The following NEB variants were observed in gnomAD, a reference collection of about 807,000 sequenced individuals.
The protein encoded by NEB is nemaline myopathy type 2.
In NEB, 512 loss-of-function variants were observed where a neutral mutation model predicts 952.2. The observed-to-expected ratio is 0.54, with a 90% CI of 0.50 to 0.58. The LOEUF (loss-of-function observed/expected upper bound fraction) is 0.58. Among genes scored for constraint, NEB ranks in the 20% least tolerant of loss-of-function variants. NEB has a pLI of 0.00. For missense variants in NEB, 8,428 were observed against 9,231.1 expected (o/e 0.91, Z 3.56); for synonymous variants, 2,900 against 3,149.8 (o/e 0.92, Z 2.66).
At chr2:151,631,744 G>C (rs2098671755) in intron 65 of NEB, among the ~76,000 whole-genome samples, 1 of 152,138 alleles carries the variant, frequency 6.6e-6, no homozygotes, top group South Asian at 2.1e-4. Context: ...GCCATTAAAA[G>C]CTTCACTGTT....
chr2:151,659,228 A>G (rs1008262359), intron 46 of NEB, 59 bp from the exon 47 acceptor site: 1 of 1,002,936 alleles, frequency 1.0e-6, no homozygotes, highest in African/African-American at 1.6e-5. Context: ...CACTTAGTAC[A>G]TACATATCAT....
intron 10 of NEB, chr2:151,716,172 C>T: frequency 2.3e-6 from 1 of 426,562 alleles, no homozygotes; most frequent in South Asian, 1.7e-5. Flanking sequence ...CAGTTTCACA[C>T]TTGTTGCCCA....
intron 9 of NEB, among the ~76,000 whole-genome samples, chr2:151,717,939 C>T (rs377146103): frequency 2.0e-5 from 3 of 150,768 alleles, no homozygotes; most frequent in South Asian, 2.1e-4. Flanking sequence ...CTGCAAGCTC[C>T]GCCTCCTGGG....
intron 9 of NEB, among the ~76,000 whole-genome samples, chr2:151,722,513 T>G (rs923706591): frequency 3.3e-5 from 5 of 152,172 alleles, no homozygotes; most frequent in African/African-American, 9.7e-5. Context: ...AATGTGTTTT[T>G]GGTTTGTTTA....
At chr2:151,540,662 T>A (rs1289174337) in intron 137 of NEB, 35 bp downstream of exon 137, 1 of 1,569,110 alleles carries the variant, frequency 6.4e-7, no homozygotes, top group Non-Finnish European at 8.8e-7. Flanking sequence ...ATTTTTCTTT[T>A]TACCCAGTGC....
intron 81 of NEB, among the ~76,000 whole-genome samples, chr2:151,609,151 AG>A (rs2097827493): frequency 2.0e-5 from 3 of 149,850 alleles, no homozygotes; most frequent in South Asian, 2.1e-4. Flanking sequence ...GTGCAATTGG[AG>A]ATTGCACTCC....
intron 41 of NEB, 39 bp downstream of exon 41, chr2:151,666,042 TCCTCCCACC>T: frequency 6.5e-7 from 1 of 1,544,760 alleles, no homozygotes; most frequent in Non-Finnish European, 8.8e-7. Context: ...TCCTGTTTTT[TCCTCCCACC>T]CATTAGAAAT....
At chr2:151,629,711 G>A (rs900258358) in intron 67 of NEB, 65 bp from the exon 68 acceptor site, 4 of 1,356,966 alleles carry the variant, frequency 2.9e-6, no homozygotes, top group Non-Finnish European at 3.2e-6. Context: ...AGATTATTAA[G>A]TGACTTATAT....
intron 134 of NEB, 125 bp from the exon 135 acceptor site, chr2:151,546,123 TC>T: frequency 1.3e-6 from 1 of 756,278 alleles, no homozygotes; most frequent in Non-Finnish European, 2.1e-6. Context: ...CTGGATGTCT[TC>T]CCAGGCAGGA....
intron 30 of NEB, 105 bp downstream of exon 30, chr2:151,680,625 G>T (rs932474812): frequency 5.1e-6 from 4 of 779,658 alleles, no homozygotes; most frequent in Non-Finnish European, 6.1e-6. Context: ...GTGTAATTGG[G>T]TCTCTTCATA....
At chr2:151,672,750 T>C (rs1301941016) in intron 36 of NEB, 70 bp from the exon 37 acceptor site, 8 of 1,336,734 alleles carry the variant, frequency 6.0e-6, no homozygotes, top group Non-Finnish European at 1.0e-6. Context: ...TACATTCACA[T>C]ATAAAGACAC....
chr2:151,662,514 A>G (rs1156848877), intron 45 of NEB, among the ~76,000 whole-genome samples, 173 bp from the exon 46 acceptor site: 1 of 152,148 alleles, frequency 6.6e-6, no homozygotes. Context: ...AACTTCAACC[A>G]TTTCTTCCCT....
intron 135 of NEB, among the ~76,000 whole-genome samples, chr2:151,541,878 C>CAAT (rs1231143179): frequency 6.6e-6 from 1 of 152,158 alleles, no homozygotes; most frequent in African/African-American, 2.4e-5. Flanking sequence ...CCTGTTTTCC[C>CAAT]AATCCCCTCT....
chr2:151,692,224 G>T, intron 21 of NEB, 37 bp downstream of exon 21: 5 of 1,608,000 alleles, frequency 3.1e-6, no homozygotes, highest in Non-Finnish European at 3.4e-6. Context: ...CAGTAGGAAA[G>T]CCCTCCTACC....
At chr2:151,502,725 A>G in intron 167 of NEB, 68 bp downstream of exon 167, 1 of 849,166 alleles carries the variant, frequency 1.2e-6, no homozygotes, top group Non-Finnish European at 1.9e-6. Context: ...GTAATTTTAC[A>G]TTTGTAAGGT....
chr2:151,534,299 A>G, intron 142 of NEB: 1 of 1,613,548 alleles, frequency 6.2e-7, no homozygotes, highest in Non-Finnish European at 8.5e-7. Flanking sequence ...TCCGCTGCTC[A>G]TAATCAGCTC....
Position 151,659,174 on chromosome 2 carries a change from GA to G in NEB, c.5971-6del. On this transcript the variant is annotated splice_region_variant and splice_polypyrimidine_tract_variant and intron_variant, in intron 46 of 181. Transcript: ENST00000397345. Reference sequence around the variant, plus strand: ...CCATGCTTGTTTGTAGAGATGCTAGGAAAAAAACAGTGTAAATTAGTGTTTA... The same window carrying G: ...CCATGCTTGTTTGTAGAGATGCTAGGAAAAAACAGTGTAAATTAGTGTTTA... 1.9e-6 allele frequency: 3 copies of G among 1,578,504 alleles called. No individual in the cohort carries two copies. Among genetic ancestry groups the G allele is most frequent in the Non-Finnish European group, 1.7e-6 (2 of 1,150,904 alleles).
chr2:151,514,774 A>C, intron 158 of NEB, 44 bp downstream of exon 158: 6 of 1,300,206 alleles, frequency 4.6e-6, no homozygotes, highest in Non-Finnish European at 1.1e-6. Flanking sequence ...CACTAGTGCA[A>C]TTATTTGGAT....
chr2:151,653,077 G>T (rs1186154117), intron 52 of NEB, among the ~76,000 whole-genome samples: 1 of 152,084 alleles, frequency 6.6e-6, no homozygotes, highest in Non-Finnish European at 1.5e-5. Context: ...TATATTCTTA[G>T]AATTTATTGT....
Sources: allele counts gnomAD v4.1 joint callset (sites outside exome capture counted in the v4.1 genomes callset), GRCh38; gene constraint gnomAD v4.1.1; transcripts MANE v1.5; gene names NCBI Gene and HGNC (gene_info 2026-07-23, HGNC 2026-07-21).